Variants in E2F3 observed in about 807,000 individuals in gnomAD.
E2F3 encodes E2F transcription factor 3, also known as transcription factor E2F3.
A neutral mutation model predicts 44.4 loss-of-function variants in E2F3; 11 were observed. The observed-to-expected ratio is 0.25, with a 90% CI of 0.16 to 0.41. E2F3 has a LOEUF of 0.41. Among genes scored for constraint, E2F3 ranks in the 10% least tolerant of loss-of-function variants. E2F3 has a pLI of 1.00. For missense variants in E2F3, 487 were observed against 583.6 expected, an observed-to-expected ratio of 0.83 and a Z score of 1.70; for synonymous variants, 249 against 253.0, an observed-to-expected ratio of 0.98 and a Z score of 0.15.
At chr6:20,439,961 G>A (rs552406056) in intron 1 of E2F3, 3 of 152,316 alleles carry the variant, frequency 2.0e-5, no homozygotes, top group Admixed American at 6.5e-5. Context: ...CTGTAGGTTT[G>A]AGTTTTGATT....
chr6:20,403,863 G>A (rs1759398565), intron 1 of E2F3: 2 of 1,345,082 alleles, frequency 1.5e-6, no homozygotes, highest in African/African-American at 1.5e-5. Flanking sequence ...GGGGGCCGCC[G>A]ACGCCGCGGG....
Position 20,490,359 on chromosome 6 carries a change from G to A in E2F3, c.1327G>A (p.Gly443Ser). 2 of 1,613,474 alleles carry A rather than the reference G, an allele frequency of 1.2e-6. No homozygotes were observed. Among genetic ancestry groups the A allele is most frequent in the Non-Finnish European group, 1.7e-6 (2 of 1,179,714 alleles). Reference protein sequence around the residue: ...DYLLSLGEEEGISDLFDAYDL... With the variant: ...DYLLSLGEEESISDLFDAYDL... Reference sequence around the variant, plus strand: ...TCTCCTGAGCCTCGGGGAGGAGGAAGGCATCAGCGATCTCTTCGATGCTTA... The same window carrying A: ...TCTCCTGAGCCTCGGGGAGGAGGAAAGCATCAGCGATCTCTTCGATGCTTA... The change falls in exon 7 of 7, where the codon GGC (glycine) becomes AGC (serine). Residue 443 changes from glycine (G) to serine (S), a missense_variant. By Grantham distance (56) the Gly-to-Ser change is moderately conservative. Around this residue, in one of 3 missense-constraint regions of E2F3, gnomAD observed 220 missense variants for 261.7 expected, o/e 0.84. Coordinates refer to ENST00000346618, the MANE Select transcript of E2F3 (RefSeq NM_001949.5). This position sits in a 1 kb window ranked among gnomAD's most constrained non-coding sequence, Gnocchi z 4.3.
At chr6:20,443,489 C>T (rs368589450) in intron 1 of E2F3, among the ~76,000 whole-genome samples, 4 of 152,250 alleles carry the variant, frequency 2.6e-5, no homozygotes, top group South Asian at 4.1e-4. Flanking sequence ...CCCATAATCC[C>T]AGTGCTTTGG....
At chr6:20,468,309 G>A (rs772291199) in intron 1 of E2F3, among the ~76,000 whole-genome samples, 4 of 152,150 alleles carry the variant, frequency 2.6e-5, no homozygotes, top group Admixed American at 6.6e-5. Flanking sequence ...GCTGTAAATC[G>A]GGGTTCCCGC....
In E2F3 at chr6:20,491,316, GT is replaced by G; in HGVS notation, c.*891del. On this transcript the variant is annotated 3_prime_UTR_variant, in exon 7 of 7. Coordinates refer to ENST00000346618, the MANE Select transcript of E2F3 (RefSeq NM_001949.5). ...CAATTTAATTGTTTACTTTGAAGCG[GT>G]TTTTGCAAATTCATATTACTTAAGC... 1 of 229,630 alleles carries G rather than the reference GT, an allele frequency of 4.4e-6. No individual in the cohort carries two copies. The highest frequency in any genetic ancestry group is 8.7e-6 in the Non-Finnish European group (1 of 115,460). 14.2% of individuals were successfully genotyped at this position (229,630 alleles called of 1,614,324 possible).
chr6:20,446,855 C>A (rs1013490225), intron 1 of E2F3, among the ~76,000 whole-genome samples: 4 of 152,166 alleles, frequency 2.6e-5, no homozygotes, highest in Admixed American at 6.5e-5. Context: ...GAGTGAGCAA[C>A]CATGCCCGGC....
intron 1 of E2F3, among the ~76,000 whole-genome samples, chr6:20,450,935 T>G (rs1047599982): frequency 6.6e-6 from 1 of 152,202 alleles, no homozygotes; most frequent in Non-Finnish European, 1.5e-5. Flanking sequence ...ATCATATGGT[T>G]GTAGGTGTGC....
intron 4 of E2F3, among the ~76,000 whole-genome samples, chr6:20,484,805 C>T (rs976133353): frequency 6.6e-6 from 1 of 152,052 alleles, no homozygotes; most frequent in African/African-American, 2.4e-5. Flanking sequence ...GAAGCTACTA[C>T]AGCCAGGCAC....
At chr6:20,419,732 T>C (rs1183141876) in intron 1 of E2F3, among the ~76,000 whole-genome samples, 1 of 152,062 alleles carries the variant, frequency 6.6e-6, no homozygotes, top group Non-Finnish European at 1.5e-5. Flanking sequence ...GGCTGGCTAC[T>C]TTTTTCATAT....
At chr6:20,432,745 C>T (rs112937999) in intron 1 of E2F3, among the ~76,000 whole-genome samples, 3,700 of 152,140 alleles carry the variant, frequency 0.024, 138 homozygotes, top group African/African-American at 0.081. Flanking sequence ...AGACCCTGTT[C>T]GACGTTTCCT....
chr6:20,471,603 T>C (rs962637198), intron 1 of E2F3, among the ~76,000 whole-genome samples: 1 of 152,130 alleles, frequency 6.6e-6, no homozygotes, highest in Non-Finnish European at 1.5e-5. Context: ...TAAAAATATG[T>C]TGGACATATG....
chr6:20,490,265 G>A lies in E2F3; in HGVS notation c.1233G>A (p.Glu411=). ...ASPANLLQQT[E]DQIPSNLEGP... The stretch of plus-strand genomic sequence containing the variant: ...CAGCCAACCTCTTACAGCAGACTGA[G>A]GACCAAATTCCTTCCAACCTAGAAG... Residue 411 remains glutamate, a synonymous_variant, in exon 7 of 7, where the codon GAG becomes GAA. Coordinates refer to ENST00000346618, the MANE Select transcript of E2F3 (RefSeq NM_001949.5). This position sits in a 1 kb window ranked among gnomAD's most constrained non-coding sequence, Gnocchi z 4.3. The A allele has an allele frequency of 6.2e-7, 1 of 1,614,136 alleles. No individual in the cohort carries two copies. Among genetic ancestry groups the A allele is most frequent in the Non-Finnish European group, 8.5e-7 (1 of 1,180,014 alleles).
intron 1 of E2F3, among the ~76,000 whole-genome samples, chr6:20,414,871 G>A (rs181088480): frequency 6.6e-6 from 1 of 152,288 alleles, no homozygotes. Context: ...CCAGAAACAC[G>A]CTCTGCCAAT....
intron 1 of E2F3, among the ~76,000 whole-genome samples, chr6:20,413,122 G>A (rs1341785792): frequency 6.6e-6 from 1 of 152,194 alleles, no homozygotes; most frequent in African/African-American, 2.4e-5. Context: ...CATAGTCTCA[G>A]CTTATTCCTA....
chr6:20,441,989 C>T (rs1760792307), intron 1 of E2F3, among the ~76,000 whole-genome samples: 1 of 149,756 alleles, frequency 6.7e-6, no homozygotes, highest in Non-Finnish European at 1.5e-5. Flanking sequence ...ATCCGCATGT[C>T]ACCCAACCTT....
intron 1 of E2F3, among the ~76,000 whole-genome samples, chr6:20,459,095 G>A (rs919904993): frequency 8.5e-5 from 13 of 152,092 alleles, no homozygotes; most frequent in Admixed American, 2.6e-4. Context: ...GTGAAACCCC[G>A]TCTCTACTAA....
Position 20,427,749 on chromosome 6 carries a change from C to G in E2F3, c.393+25124C>G, listed in dbSNP as rs1212938237. Among the ~76,000 whole-genome samples, 7 of 152,306 alleles carry G rather than the reference C, an allele frequency of 4.6e-5. No homozygotes were observed. In the East Asian group the frequency reaches 1.2e-3, roughly 25 times the overall value. ...GGCCTTCCTGACACCTGCCACACAC[C>G]TTCCATGCCATGCATCTCCTCTTTT... On this transcript the variant is annotated intron_variant, in intron 1 of 6. Transcript: ENST00000346618.
chr6:20,480,426 C>T (rs1762184384), intron 2 of E2F3, among the ~76,000 whole-genome samples: 1 of 152,152 alleles, frequency 6.6e-6, no homozygotes, highest in African/African-American at 2.4e-5. Context: ...ATTACCGTTT[C>T]TTGTGGGAGA....
At chr6:20,443,110 C>G (rs1012324432) in intron 1 of E2F3, among the ~76,000 whole-genome samples, 1 of 152,184 alleles carries the variant, frequency 6.6e-6, no homozygotes, top group Non-Finnish European at 1.5e-5. Flanking sequence ...TGGGTCTGCT[C>G]AAGAATTGCT....
Sources: gnomAD v4.1 joint callset for allele counts (sites outside exome capture counted in the v4.1 genomes callset) on GRCh38, gnomAD v4.1.1 for gene constraint, gnomAD v4.1.1 regional missense constraint, Gnocchi (gnomAD v3.1) non-coding constraint, MANE v1.5 for transcripts, NCBI Gene and HGNC (gene_info 2026-07-23, HGNC 2026-07-21) for gene names.